ACBD3: variants seen among roughly 807,000 people sequenced by gnomAD.
ACBD3 encodes the protein Golgi resident protein GCP60.
ACBD3 carries 30 observed loss-of-function variants against 66.9 expected under a neutral mutation model. The ratio of observed to expected loss-of-function variants is 0.45; its 90% CI spans 0.34 to 0.61. The LOEUF is 0.61. ACBD3 is among the 20% of genes least tolerant of loss of function. ACBD3 has a pLI of 0.02. For synonymous variants in ACBD3, 278 were observed against 259.8 expected (o/e 1.07, Z -0.68); for missense variants, 544 against 664.5 (o/e 0.82, Z 1.99).
At chr1:226,153,275 A>C (rs1242279567) in intron 6 of ACBD3, among the ~76,000 whole-genome samples, 1 of 152,194 alleles carries the variant, frequency 6.6e-6, no homozygotes, top group Non-Finnish European at 1.5e-5. Flanking sequence ...TCCCTTGATA[A>C]GAAAAAAAAA....
At chr1:226,182,051 A>C (rs3008184) in intron 1 of ACBD3, among the ~76,000 whole-genome samples, 1 of 152,030 alleles carries the variant, frequency 6.6e-6, no homozygotes, top group Non-Finnish European at 1.5e-5. Flanking sequence ...GCAACAAAGC[A>C]AGACCTCTGT....
intron 1 of ACBD3, among the ~76,000 whole-genome samples, chr1:226,173,739 CTTCT>C (rs925112584): frequency 3.7e-4 from 49 of 133,212 alleles, no homozygotes; most frequent in Non-Finnish European, 6.1e-4. Context: ...GAATAATTTT[CTTCT>C]TTTTTTTTCT....
At chr1:226,180,000 G>A (rs973704876) in intron 1 of ACBD3, among the ~76,000 whole-genome samples, 2 of 151,530 alleles carry the variant, frequency 1.3e-5, no homozygotes, top group East Asian at 3.9e-4. Flanking sequence ...GTGAAACCCT[G>A]TCTCTACTAA....
intron 3 of ACBD3, among the ~76,000 whole-genome samples, chr1:226,164,371 T>C (rs9725546): frequency 0.011 from 1,737 of 152,080 alleles, 28 homozygotes; most frequent in African/African-American, 0.038. Context: ...AAAGCCAACA[T>C]GAATGTCTAT....
intron 1 of ACBD3, among the ~76,000 whole-genome samples, chr1:226,184,538 A>C (rs901373908): frequency 6.6e-6 from 1 of 152,154 alleles, no homozygotes; most frequent in African/African-American, 2.4e-5. Context: ...AAGACCACTG[A>C]ATCTTAAATC....
intron 4 of ACBD3, 68 bp downstream of exon 4, chr1:226,161,463 A>T: frequency 6.3e-7 from 1 of 1,599,068 alleles, no homozygotes; most frequent in Non-Finnish European, 8.5e-7. Context: ...TGGCCCGCTC[A>T]TTTCTTATTT....
At chr1:226,169,217 C>G (rs1659937618) in intron 1 of ACBD3, among the ~76,000 whole-genome samples, 1 of 151,606 alleles carries the variant, frequency 6.6e-6, no homozygotes, top group African/African-American at 2.4e-5. Context: ...AGCTCCTGAT[C>G]TTAGCCTTGT....
At chr1:226,151,804 G>A (rs1274184138) in intron 7 of ACBD3, among the ~76,000 whole-genome samples, 1 of 152,052 alleles carries the variant, frequency 6.6e-6, no homozygotes, top group Non-Finnish European at 1.5e-5. Flanking sequence ...TCAGGAGTTC[G>A]AGACCAGCCT....
At chr1:226,150,222 C>CTAACTAAA (rs1659543370) in intron 7 of ACBD3, among the ~76,000 whole-genome samples, 1 of 151,638 alleles carries the variant, frequency 6.6e-6, no homozygotes, top group Admixed American at 6.6e-5. Flanking sequence ...CCACACCCAC[C>CTAACTAAA]TAACTAAAAA....
At chr1:226,182,150 G>C (rs1165165637) in intron 1 of ACBD3, among the ~76,000 whole-genome samples, 1 of 151,886 alleles carries the variant, frequency 6.6e-6, no homozygotes, top group South Asian at 2.1e-4. Flanking sequence ...AGGATGGCTT[G>C]AGCCTGGGAG....
At chr1:226,171,419 G>C (rs1659990453) in intron 1 of ACBD3, among the ~76,000 whole-genome samples, 1 of 152,166 alleles carries the variant, frequency 6.6e-6, no homozygotes, top group South Asian at 2.1e-4. Context: ...AAAATGCTGG[G>C]ATTACAGGTG....
intron 7 of ACBD3, chr1:226,148,208 A>G (rs528965246): frequency 4.4e-4 from 67 of 152,362 alleles, no homozygotes; most frequent in African/African-American, 1.5e-3. Context: ...TAGTTAATTA[A>G]TGAATCAATG....
At chr1:226,180,192 GATA>G (rs1405931537) in intron 1 of ACBD3, among the ~76,000 whole-genome samples, 1 of 149,182 alleles carries the variant, frequency 6.7e-6, no homozygotes, top group East Asian at 2.0e-4. Context: ...AAAAAAAAAG[GATA>G]ATACAATGCA....
At position 226,153,466 on chromosome 1, in the gene ACBD3, A is replaced by T. The variant is rs544585431; in HGVS notation, c.1091-847T>A. On this transcript the variant is annotated intron_variant, in intron 6 of 7. Transcript: ENST00000366812. ...ACTTAGTTAACTCCTCTTGCTTCAG[A>T]TATCTCAGGTCAATTGTCCCTTCCT... Among the ~76,000 whole-genome samples the T allele has an allele frequency of 2.0e-3, 299 of 152,238 alleles. 4 individuals are homozygous for T. The highest frequency in any genetic ancestry group is 1.5e-3 in the Non-Finnish European group (103 of 68,002).
chr1:226,159,527 A>G (rs1659732946), intron 4 of ACBD3, among the ~76,000 whole-genome samples, 169 bp from the exon 5 acceptor site: 1 of 152,216 alleles, frequency 6.6e-6, no homozygotes, highest in Non-Finnish European at 1.5e-5. Context: ...ATTTAAGAAA[A>G]TAAGCCTGGC....
rs779380166 is a variant in ACBD3, at chr1:226,172,155, C to CA, written c.287-6156dup. Among the ~76,000 whole-genome samples the CA allele has an allele frequency of 3.5e-4, 15 of 43,224 alleles. 1 individual carries two copies. In the East Asian group the frequency reaches 0.012, roughly 34 times the overall value. 28.4% of individuals were successfully genotyped at this position (43,224 alleles called of 152,430 possible). ...GGGAAACAAGAGCAAAACTCCATCTCAAAAAAAAAAAAAAAGAGGAATACA... is the reference window on the plus strand; with the variant it reads ...GGGAAACAAGAGCAAAACTCCATCTCAAAAAAAAAAAAAAAAGAGGAATACA... On this transcript the variant is annotated intron_variant, in intron 1 of 7. Coordinates refer to ENST00000366812, the MANE Select transcript of ACBD3 (RefSeq NM_022735.4).
intron 1 of ACBD3, among the ~76,000 whole-genome samples, chr1:226,170,477 CTTTT>C (rs1051093979): frequency 9.3e-5 from 14 of 151,116 alleles, no homozygotes; most frequent in South Asian, 2.1e-4. Context: ...CTCGGCCTTT[CTTTT>C]TTTAAGAATA....
chr1:226,154,598 C>T (rs770330142), intron 6 of ACBD3, 49 bp downstream of exon 6: 5 of 1,546,278 alleles, frequency 3.2e-6, no homozygotes, highest in Non-Finnish European at 3.5e-6. Context: ...TTTTGCCTTT[C>T]ACAGATTTGG....
chr1:226,175,523 T>C lies in ACBD3; in HGVS notation c.287-9523A>G, dbSNP rs150836001. ...CACAAGAACAAAAATGTAATCAAAG[T>C]GTATCATCTGTTTCAGCAATGAATA... On this transcript the variant is annotated intron_variant, in intron 1 of 7. Transcript: ENST00000366812. Among the ~76,000 whole-genome samples, 59 of 152,274 alleles carry C rather than the reference T, an allele frequency of 3.9e-4. No individual in the cohort carries two copies. The East Asian group carries it at 0.011, about 28-fold the overall frequency.
Sources: allele counts gnomAD v4.1 joint callset (sites outside exome capture counted in the v4.1 genomes callset), GRCh38; gene constraint gnomAD v4.1.1; transcripts MANE v1.5; gene names NCBI Gene and HGNC (gene_info 2026-07-23, HGNC 2026-07-21).